PEPD: variants seen among roughly 807,000 people sequenced by gnomAD.
The protein encoded by PEPD is peptidase D, also known as xaa-Pro dipeptidase.
Under a neutral mutation model 60.7 loss-of-function variants are expected in PEPD, and 53 were observed. The ratio of observed to expected loss-of-function variants is 0.87; its 90% CI spans 0.70 to 1.10. PEPD has a LOEUF of 1.10. Ranked by LOEUF, PEPD falls within the 50% of genes least tolerant of loss-of-function variation. The pLI, the probability that PEPD is intolerant of heterozygous loss-of-function variation, is 0.00. For synonymous variants in PEPD, 267 were observed against 284.1 expected (o/e 0.94, Z 0.60); for missense variants, 711 against 711.9 (o/e 1.00, Z 0.01).
chr19:33,458,716 G>A (rs373936563), intron 9 of PEPD, among the ~76,000 whole-genome samples: 930 of 25,658 alleles, frequency 0.036, 6 homozygotes, highest in Middle Eastern at 0.058. Context: ...TGTGGCATGT[G>A]TATGTGCTAT....
At chr19:33,436,483 T>G (rs768902797) in intron 9 of PEPD, among the ~76,000 whole-genome samples, 6 of 152,132 alleles carry the variant, frequency 3.9e-5, no homozygotes, top group Non-Finnish European at 8.8e-5. Context: ...CATGGCTGCA[T>G]GGGCTATGAG....
intron 3 of PEPD, among the ~76,000 whole-genome samples, chr19:33,502,938 G>A (rs1012144824): frequency 5.1e-5 from 7 of 136,136 alleles, no homozygotes; most frequent in Non-Finnish European, 4.8e-5. Context: ...GACCCTCTAC[G>A]GATAACTGGG....
At chr19:33,394,021 T>A (rs1390114026) in intron 12 of PEPD, among the ~76,000 whole-genome samples, 1 of 152,254 alleles carries the variant, frequency 6.6e-6, no homozygotes, top group Non-Finnish European at 1.5e-5. Flanking sequence ...CCTGCAGCCG[T>A]CCCCTGGACG....
chr19:33,457,731 C>T (rs1430071697), intron 9 of PEPD, among the ~76,000 whole-genome samples: 3 of 152,204 alleles, frequency 2.0e-5, no homozygotes, highest in Non-Finnish European at 2.9e-5. Context: ...AGGATGGTCT[C>T]GATCTCCTGA....
chr19:33,401,414 G>A (rs1343638421), intron 12 of PEPD, among the ~76,000 whole-genome samples: 1 of 152,238 alleles, frequency 6.6e-6, no homozygotes, highest in African/African-American at 2.4e-5. Context: ...CACCGCTTAA[G>A]GACAAAGCAG....
chr19:33,415,548 G>A (rs1411062927), intron 9 of PEPD, among the ~76,000 whole-genome samples: 1 of 152,086 alleles, frequency 6.6e-6, no homozygotes, highest in Non-Finnish European at 1.5e-5. Flanking sequence ...AAAAACATCA[G>A]AAAGGGGAGG....
intron 9 of PEPD, among the ~76,000 whole-genome samples, chr19:33,424,562 A>AG (rs1414694017): frequency 6.6e-6 from 1 of 152,200 alleles, no homozygotes; most frequent in Non-Finnish European, 1.5e-5. Context: ...AAGGACCAGA[A>AG]GGCCAGTGTG....
At chr19:33,410,649 G>A (rs190643429) in intron 11 of PEPD, among the ~76,000 whole-genome samples, 23 of 151,932 alleles carry the variant, frequency 1.5e-4, no homozygotes, top group African/African-American at 4.4e-4. Flanking sequence ...CGCCACGCAG[G>A]CCTCAGAGGA....
intron 3 of PEPD, among the ~76,000 whole-genome samples, 199 bp from the exon 4 acceptor site, chr19:33,501,200 C>T (rs892230057): frequency 4.6e-5 from 7 of 152,150 alleles, no homozygotes; most frequent in Admixed American, 3.3e-4. Flanking sequence ...CATGGAGTGA[C>T]GGCTGAACCA....
chr19:33,459,832 G>A (rs1488497590), intron 9 of PEPD, among the ~76,000 whole-genome samples: 1 of 152,116 alleles, frequency 6.6e-6, no homozygotes, highest in Non-Finnish European at 1.5e-5. Context: ...CTCCTGCCCC[G>A]AGTCCTGAAC....
At chr19:33,495,302 T>C (rs1292003396) in intron 4 of PEPD, among the ~76,000 whole-genome samples, 1 of 151,008 alleles carries the variant, frequency 6.6e-6, no homozygotes, top group African/African-American at 2.4e-5. Context: ...GGTCAGGAGT[T>C]CGAGACCAGC....
At chr19:33,457,424 T>G (rs78197115) in intron 9 of PEPD, among the ~76,000 whole-genome samples, 12,422 of 152,220 alleles carry the variant, frequency 0.082, 707 homozygotes, top group Admixed American at 0.17. Context: ...CCACGCCCCC[T>G]GCAGTCCTGA....
intron 10 of PEPD, among the ~76,000 whole-genome samples, chr19:33,413,140 CAT>C (rs1968814069): frequency 6.6e-6 from 1 of 152,234 alleles, no homozygotes; most frequent in Non-Finnish European, 1.5e-5. Flanking sequence ...GCCACACCCA[CAT>C]AGACACACCA....
intron 4 of PEPD, 48 bp downstream of exon 4, chr19:33,500,890 G>A (rs760414336): frequency 4.8e-6 from 5 of 1,049,058 alleles, no homozygotes; most frequent in Middle Eastern, 2.3e-4. Flanking sequence ...AGGAGTGGAA[G>A]GCATGCTGGA....
chr19:33,494,191 CTT>C (rs1380476622), intron 4 of PEPD, among the ~76,000 whole-genome samples: 2 of 152,118 alleles, frequency 1.3e-5, no homozygotes, highest in South Asian at 2.1e-4. Flanking sequence ...TGCAGACCCT[CTT>C]GTTTCTGAGC....
chr19:33,521,491 CGGTGGGGCCGCCAGACGCGGGCA>C (rs1318285771), intron 1 of PEPD, among the ~76,000 whole-genome samples: 1 of 152,236 alleles, frequency 6.6e-6, no homozygotes. Flanking sequence ...CAGCCGCACA[CGGTGGGGCCGCCAGACGCGGGCA>C]GGTGGGGCCG....
intron 12 of PEPD, 151 bp downstream of exon 12, chr19:33,401,570 C>G: frequency 1.3e-6 from 1 of 765,954 alleles, no homozygotes; most frequent in Non-Finnish European, 2.2e-6. Flanking sequence ...ACCCTGGAGA[C>G]CTGACGCCAC....
chr19:33,510,689 G>A (rs761087724), intron 3 of PEPD, among the ~76,000 whole-genome samples: 1 of 152,176 alleles, frequency 6.6e-6, no homozygotes, highest in Non-Finnish European at 1.5e-5. Context: ...AGTTTCTAAT[G>A]GCCTGCATTT....
At chr19:33,514,306 T>C (rs1970986925) in intron 1 of PEPD, among the ~76,000 whole-genome samples, 1 of 152,058 alleles carries the variant, frequency 6.6e-6, no homozygotes, top group Non-Finnish European at 1.5e-5. Context: ...GGATGAAACC[T>C]GCCCTCACAG....
Sources: gnomAD v4.1 joint callset for allele counts (sites outside exome capture counted in the v4.1 genomes callset) on GRCh38, gnomAD v4.1.1 for gene constraint, MANE v1.5 for transcripts, NCBI Gene and HGNC (gene_info 2026-07-23, HGNC 2026-07-21) for gene names.